The following PIK3AP1 variants were observed in gnomAD, a reference collection of about 807,000 sequenced individuals.
The protein encoded by PIK3AP1 is phosphoinositide 3-kinase adapter protein 1.
PIK3AP1 carries 21 observed loss-of-function variants against 88.1 expected under a neutral mutation model. The observed-to-expected ratio is 0.24, with a 90% confidence interval of 0.17 to 0.34. The LOEUF (loss-of-function observed/expected upper bound fraction) is 0.34. Among genes scored for constraint, PIK3AP1 ranks in the 10% least tolerant of loss-of-function variants. PIK3AP1 has a pLI of 1.00. For synonymous variants in PIK3AP1, 398 were observed against 400.0 expected, an observed-to-expected ratio of 1.00 and a Z score of 0.06; for missense variants, 828 against 1,035.7, an observed-to-expected ratio of 0.80 and a Z score of 2.75.
chr10:96,717,272 A>C (rs1013508767), intron 1 of PIK3AP1, among the ~76,000 whole-genome samples: 1 of 151,796 alleles, frequency 6.6e-6, no homozygotes, highest in Non-Finnish European at 1.5e-5. Flanking sequence ...AAAAAAAAAA[A>C]AAAACTCACT....
intron 2 of PIK3AP1, among the ~76,000 whole-genome samples, chr10:96,666,635 G>T (rs1347955769): frequency 6.6e-6 from 1 of 151,908 alleles, no homozygotes; most frequent in Non-Finnish European, 1.5e-5. Flanking sequence ...CTAATGCTAG[G>T]TAAGAGCTGG....
chr10:96,650,483 A>G (rs553414331), intron 6 of PIK3AP1, among the ~76,000 whole-genome samples: 5 of 152,314 alleles, frequency 3.3e-5, no homozygotes, highest in African/African-American at 1.2e-4. Flanking sequence ...TCATTAAACA[A>G]CTACTTGTTT....
intron 2 of PIK3AP1, among the ~76,000 whole-genome samples, chr10:96,686,439 CG>C (rs1794525759): frequency 6.6e-6 from 1 of 152,144 alleles, no homozygotes; most frequent in Admixed American, 6.5e-5. Flanking sequence ...GAGTTTTACC[CG>C]TGGATGTACC....
At chr10:96,653,134 C>T (rs369631287) in intron 3 of PIK3AP1, among the ~76,000 whole-genome samples, 2 of 151,930 alleles carry the variant, frequency 1.3e-5, no homozygotes, top group African/African-American at 2.4e-5. Context: ...TAGCTGGGCG[C>T]GGTGGCTCAC....
intron 2 of PIK3AP1, among the ~76,000 whole-genome samples, chr10:96,706,709 C>A (rs1310707856): frequency 6.6e-6 from 1 of 152,082 alleles, no homozygotes; most frequent in East Asian, 1.9e-4. Flanking sequence ...ATGCAGTGTC[C>A]CTAACCCTGG....
chr10:96,710,002 CAG>C lies in PIK3AP1; in HGVS notation c.14-21_14-20del. ...GGCACCCCTGGACAAGAATGAGGCA[CAG>C]AAGCATGTTAGCACACCTCCCCTTC... is the stretch of plus-strand genomic sequence containing the variant. On this transcript the variant is annotated intron_variant, in intron 1 of 16. Coordinates refer to ENST00000339364, the MANE Select transcript of PIK3AP1 (RefSeq NM_152309.3). 6.4e-7 allele frequency: 1 copy of C among 1,559,118 alleles called. No individual in the cohort carries two copies. Among genetic ancestry groups the C allele is most frequent in the Non-Finnish European group, 8.7e-7 (1 of 1,146,922 alleles).
chr10:96,648,550 T>C, intron 7 of PIK3AP1, 109 bp downstream of exon 7: 3 of 1,181,508 alleles, frequency 2.5e-6, no homozygotes, highest in Non-Finnish European at 3.5e-6. Flanking sequence ...CCAGAAGAGG[T>C]ACATGAGGAC....
chr10:96,680,971 A>G (rs1254279789), intron 2 of PIK3AP1, among the ~76,000 whole-genome samples: 2 of 152,264 alleles, frequency 1.3e-5, no homozygotes, highest in African/African-American at 2.4e-5. Flanking sequence ...AGTGTTATCC[A>G]TCAATAAATC....
intron 11 of PIK3AP1, among the ~76,000 whole-genome samples, chr10:96,622,132 T>C (rs1843092421): frequency 6.6e-6 from 1 of 152,258 alleles, no homozygotes; most frequent in Non-Finnish European, 1.5e-5. Context: ...CCCAGGAGAC[T>C]GGAACATCAG....
In PIK3AP1 at chr10:96,652,695, T is replaced by C; in HGVS notation, c.712+3A>G. The C allele has an allele frequency of 4.3e-6, 7 of 1,614,114 alleles. No homozygotes were observed. Among genetic ancestry groups the C allele is most frequent in the Non-Finnish European group, 5.9e-6 (7 of 1,179,972 alleles). On this transcript the variant is annotated splice_donor_region_variant and intron_variant, in intron 4 of 16. Transcript: ENST00000339364. Reference sequence around the variant, plus strand: ...GTCATCACATTCACAGGGGACTACTTACTGGGAGCCTTCACTGAAATGGTG... The same window carrying C: ...GTCATCACATTCACAGGGGACTACTCACTGGGAGCCTTCACTGAAATGGTG...
At chr10:96,633,953 T>C (rs1843280001) in intron 8 of PIK3AP1, among the ~76,000 whole-genome samples, 1 of 152,216 alleles carries the variant, frequency 6.6e-6, no homozygotes, top group Non-Finnish European at 1.5e-5. Flanking sequence ...TTCTGGACAC[T>C]AAGTACTGGC....
intron 13 of PIK3AP1, among the ~76,000 whole-genome samples, chr10:96,612,121 T>G (rs150288144): frequency 6.6e-6 from 1 of 152,192 alleles, no homozygotes; most frequent in Non-Finnish European, 1.5e-5. Context: ...GTTAAAGGAA[T>G]TGGATCATAA....
Position 96,595,264 on chromosome 10 carries a change from G to T in PIK3AP1, c.*313C>A. 2.8e-6 allele frequency: 1 copy of T among 358,262 alleles called. No individual in the cohort carries two copies. The highest frequency in any genetic ancestry group is 5.1e-6 in the Non-Finnish European group (1 of 196,192). The allele number at this position is 358,262 out of a possible 1,614,324, so 22.2% of individuals were successfully genotyped here. On this transcript the variant is annotated 3_prime_UTR_variant, in exon 17 of 17. Transcript: ENST00000339364. Reference sequence around the variant, plus strand: ...AAAATCACTGGTGAAGTACATTTATGATCATTCTTTTTAGGCTTCTGATAT... The same window carrying T: ...AAAATCACTGGTGAAGTACATTTATTATCATTCTTTTTAGGCTTCTGATAT...
rs1232455370 is a variant in PIK3AP1, at chr10:96,671,895, G to A, written c.431-14961C>T. 3.3e-5 allele frequency among the ~76,000 whole-genome samples: 5 copies of A among 152,018 alleles called. No individual in the cohort carries two copies. The South Asian group carries it at 6.2e-4, about 19-fold the overall frequency. ...GTCTCTACAAAAAATACAAAATTTA[G>A]TCAGGCATGGTGCACGCCTGTAGTC... On this transcript the variant is annotated intron_variant, in intron 2 of 16. Coordinates refer to ENST00000339364, the MANE Select transcript of PIK3AP1 (RefSeq NM_152309.3).
chr10:96,604,562 G>A (rs190905229), intron 14 of PIK3AP1, among the ~76,000 whole-genome samples: 2 of 152,032 alleles, frequency 1.3e-5, no homozygotes, highest in Non-Finnish European at 1.5e-5. Flanking sequence ...ACTTTTTGAT[G>A]ACTAACTTTG....
rs1393497585 is a variant in PIK3AP1, at chr10:96,662,739, G to A, written c.431-5805C>T. On this transcript the variant is annotated intron_variant, in intron 2 of 16. Coordinates refer to ENST00000339364, the MANE Select transcript of PIK3AP1 (RefSeq NM_152309.3). ...ACTAAAAATACAAAAAAAATTAGCC[G>A]GGCGCGGTGGCGGGCGCCTGTAGTC... 1.0e-4 allele frequency among the ~76,000 whole-genome samples: 15 copies of A among 148,734 alleles called. 1 individual carries two copies. The highest frequency in any genetic ancestry group is 3.9e-4 in the East Asian group (2 of 5,096).
chr10:96,666,417 TCAAA>T (rs943242102), intron 2 of PIK3AP1, among the ~76,000 whole-genome samples: 1 of 152,010 alleles, frequency 6.6e-6, no homozygotes, highest in Non-Finnish European at 1.5e-5. Context: ...AGACTCCATC[TCAAA>T]CAAACAAACA....
intron 8 of PIK3AP1, among the ~76,000 whole-genome samples, chr10:96,631,073 G>A (rs1435548004): frequency 6.6e-6 from 1 of 152,142 alleles, no homozygotes; most frequent in Admixed American, 6.5e-5. Context: ...ACCCCCAAGG[G>A]AAGACATGCT....
rs948551485 is a variant in PIK3AP1 at position 96,593,406 on chromosome 10, G to A, written c.*2171C>T. Reference sequence around the variant, plus strand: ...TCATATATTGCACAAACAGTGATGTGCATACAAAGATGCTAACAACATTGG... The same window carrying A: ...TCATATATTGCACAAACAGTGATGTACATACAAAGATGCTAACAACATTGG... On this transcript the variant is annotated 3_prime_UTR_variant, in exon 17 of 17. Transcript: ENST00000339364. 3 of 152,162 alleles carry A rather than the reference G, an allele frequency of 2.0e-5. No individual in the cohort carries two copies. Among genetic ancestry groups the A allele is most frequent in the African/African-American group, 2.4e-5 (1 of 41,428 alleles). The allele number at this position is 152,162 out of a possible 1,614,324, so 9.4% of individuals were successfully genotyped here.
Sources: gnomAD v4.1 joint callset for allele counts (sites outside exome capture counted in the v4.1 genomes callset) on GRCh38, gnomAD v4.1.1 for gene constraint, MANE v1.5 for transcripts, NCBI Gene and HGNC (gene_info 2026-07-23, HGNC 2026-07-21) for gene names.